TRAPPC11: variants seen among roughly 807,000 people sequenced by gnomAD.
TRAPPC11 encodes foie gras homolog.
A neutral mutation model predicts 151.2 loss-of-function variants in TRAPPC11; 104 were observed. That is an observed-to-expected ratio of 0.69 (90% CI 0.59 to 0.81). The LOEUF is 0.81. Among genes scored for constraint, TRAPPC11 ranks in the 30% least tolerant of loss-of-function variants. The pLI is 0.00. For synonymous variants in TRAPPC11, 456 were observed against 472.3 expected, an observed-to-expected ratio of 0.97 and a Z score of 0.45; for missense variants, 1,230 against 1,349.6, an observed-to-expected ratio of 0.91 and a Z score of 1.39.
At position 183,684,776 on chromosome 4, in the gene TRAPPC11, A is replaced by G; in HGVS notation, c.1502A>G (p.Lys501Arg). ...LLTSVLTTALKCSYLMAQLKD... is the reference protein window; with the variant it reads ...LLTSVLTTALRCSYLMAQLKD... ...ACTTCTGTATTAACTACAGCTCTGA[A>G]GTGCTCCTACCTCATGGCCCAATTA... The change falls in exon 15 of 30, where the codon AAG (lysine) becomes AGG (arginine). Residue 501 changes from lysine (K) to arginine (R), a missense_variant. Physicochemically the swap from Lys to Arg is conservative, Grantham distance 26. Coordinates refer to ENST00000334690, the MANE Select transcript of TRAPPC11 (RefSeq NM_021942.6). 1 of 1,613,962 alleles carries G rather than the reference A, an allele frequency of 6.2e-7. No homozygotes were observed. The highest frequency in any genetic ancestry group is 2.2e-5 in the East Asian group (1 of 44,846).
At chr4:183,685,670 G>A (rs1363271728) in intron 17 of TRAPPC11, among the ~76,000 whole-genome samples, 1 of 152,018 alleles carries the variant, frequency 6.6e-6, no homozygotes, top group Non-Finnish European at 1.5e-5. Context: ...AAAAGGTTGT[G>A]CTTTACTGTC....
chr4:183,681,512 G>A (rs1735688946), intron 10 of TRAPPC11, among the ~76,000 whole-genome samples: 1 of 152,152 alleles, frequency 6.6e-6, no homozygotes, highest in East Asian at 1.9e-4. Flanking sequence ...CGGGTGCGGT[G>A]GCTCACGCCT....
In TRAPPC11 at chr4:183,684,203, C is replaced by T. The variant is rs781595103; in HGVS notation, c.1346C>T (p.Pro449Leu). 2.4e-5 allele frequency: 38 copies of T among 1,613,806 alleles called. No individual in the cohort carries two copies. The highest frequency in any genetic ancestry group is 5.3e-5 in the African/African-American group (4 of 74,890). Residue 449 changes from proline to leucine, a missense_variant, in exon 13 of 30, where the codon CCG (proline) becomes CTG (leucine). Pro to Leu is a moderately conservative substitution (Grantham distance 98). Transcript: ENST00000334690. ...AVAQFKKYKC[P>L]RMKSHLMVQM... ...GCACAGTTCAAGAAGTATAAGTGCCCGCGAATGAAAAGTCACCTAAGTATG... is the reference window on the plus strand; with the variant it reads ...GCACAGTTCAAGAAGTATAAGTGCCTGCGAATGAAAAGTCACCTAAGTATG...
chr4:183,689,103 C>G (rs1439137857), intron 18 of TRAPPC11, among the ~76,000 whole-genome samples: 1 of 152,062 alleles, frequency 6.6e-6, no homozygotes, highest in Admixed American at 6.5e-5. Context: ...AAACTTTATT[C>G]TAGTAGCAAA....
chr4:183,683,912 C>T lies in TRAPPC11; in HGVS notation c.1208-63C>T, dbSNP rs560112437. 2.9e-4 allele frequency: 380 copies of T among 1,292,702 alleles called. 1 individual carries two copies. The highest frequency in any genetic ancestry group is 1.1e-4 in the Non-Finnish European group (97 of 888,756). 80.1% of individuals were successfully genotyped at this position (1,292,702 alleles called of 1,614,324 possible). On this transcript the variant is annotated intron_variant, in intron 11 of 29. Transcript: ENST00000334690. Reference sequence around the variant, plus strand: ...GGTTTCAAGGAGTGTACACATACAACGTTCATATGAAGATTTATATTAAAT... The same window carrying T: ...GGTTTCAAGGAGTGTACACATACAATGTTCATATGAAGATTTATATTAAAT...
chr4:183,663,812 A>G, intron 1 of TRAPPC11, 35 bp from the exon 2 acceptor site: 1 of 1,414,982 alleles, frequency 7.1e-7, no homozygotes, highest in Admixed American at 1.8e-5. Flanking sequence ...AGTTTTTAAA[A>G]ATTAATTATG....
At chr4:183,677,034 G>C (rs1207741775) in intron 7 of TRAPPC11, among the ~76,000 whole-genome samples, 1 of 152,102 alleles carries the variant, frequency 6.6e-6, no homozygotes, top group African/African-American at 2.4e-5. Context: ...CAAAGTGCTG[G>C]GATTACAGGT....
chr4:183,698,720 T>G (rs190308896), intron 25 of TRAPPC11, among the ~76,000 whole-genome samples: 6 of 152,224 alleles, frequency 3.9e-5, no homozygotes, highest in Non-Finnish European at 7.3e-5. Context: ...TCATTTCCAG[T>G]ATCCTGACGT....
chr4:183,678,072 G>A (rs1735500760), intron 8 of TRAPPC11, among the ~76,000 whole-genome samples: 1 of 151,808 alleles, frequency 6.6e-6, no homozygotes, highest in South Asian at 2.1e-4. Context: ...CTGAGTAGCT[G>A]GGAGTACAGG....
chr4:183,674,627 T>C (rs1043606068), intron 5 of TRAPPC11, 86 bp from the exon 6 acceptor site: 3 of 683,296 alleles, frequency 4.4e-6, no homozygotes, highest in African/African-American at 3.7e-5. Context: ...GTCACCATTT[T>C]ACTTTCAGGT....
At chr4:183,682,923 T>G in intron 11 of TRAPPC11, 98 bp downstream of exon 11, 1 of 815,892 alleles carries the variant, frequency 1.2e-6, no homozygotes. Flanking sequence ...AGAAATTATG[T>G]TGAAGTAAAA....
intron 5 of TRAPPC11, among the ~76,000 whole-genome samples, chr4:183,669,699 A>G (rs1735055666): frequency 6.6e-6 from 1 of 152,178 alleles, no homozygotes; most frequent in Non-Finnish European, 1.5e-5. Flanking sequence ...GGTAGAGGCC[A>G]GGGATGTTGC....
At chr4:183,695,834 G>A (rs1736509519) in intron 23 of TRAPPC11, among the ~76,000 whole-genome samples, 1 of 152,174 alleles carries the variant, frequency 6.6e-6, no homozygotes, top group African/African-American at 2.4e-5. Context: ...GTAATGTACT[G>A]TTGAAAATTT....
chr4:183,668,239 G>T, intron 5 of TRAPPC11, 122 bp downstream of exon 5: 1 of 535,430 alleles, frequency 1.9e-6, no homozygotes, highest in Non-Finnish European at 3.3e-6. Context: ...ATGATACAGA[G>T]GCTATGGGGT....
chr4:183,705,226 C>G (rs1457476092), intron 27 of TRAPPC11, among the ~76,000 whole-genome samples, 156 bp downstream of exon 27: 1 of 152,178 alleles, frequency 6.6e-6, no homozygotes, highest in East Asian at 1.9e-4. Flanking sequence ...TACTTCTACA[C>G]ACTCCTCCTA....
chr4:183,690,691 G>A (rs1047181572), intron 18 of TRAPPC11, among the ~76,000 whole-genome samples: 3 of 152,240 alleles, frequency 2.0e-5, no homozygotes, highest in Non-Finnish European at 4.4e-5. Context: ...ATGGGGCTGG[G>A]CTTGGTGGCT....
At chr4:183,709,713 T>C (rs1265829468) in intron 29 of TRAPPC11, among the ~76,000 whole-genome samples, 1 of 152,186 alleles carries the variant, frequency 6.6e-6, no homozygotes, top group South Asian at 2.1e-4. Flanking sequence ...AGGCAGAGCT[T>C]GCAGTGAGTG....
intron 3 of TRAPPC11, 198 bp from the exon 4 acceptor site, chr4:183,666,862 G>A (rs1217235847): frequency 8.1e-6 from 4 of 495,740 alleles, no homozygotes; most frequent in Non-Finnish European, 1.5e-5. Flanking sequence ...AAGATTAGAA[G>A]ATGTGAGATC....
In TRAPPC11 at chr4:183,668,085, G is replaced by T. The variant is rs766450086; in HGVS notation, c.528G>T (p.Pro176=). 1.9e-6 allele frequency: 3 copies of T among 1,611,934 alleles called. No individual in the cohort carries two copies. The highest frequency in any genetic ancestry group is 8.5e-7 in the Non-Finnish European group (1 of 1,178,352). The change falls in exon 5 of 30, where the codon CCG becomes CCT. Residue 176 remains proline, a synonymous_variant. Transcript: ENST00000334690. ...CAGGAAAGTCTTTGTTTGTACTGCC[G>T]CACACTGACCACCTTGTGGGTTATA... ...ELSGKSLFVL[P]HTDHLVGYII... is the part of the protein sequence containing the mutation.
Sources: gnomAD v4.1 joint callset for allele counts (sites outside exome capture counted in the v4.1 genomes callset) on GRCh38, gnomAD v4.1.1 for gene constraint, MANE v1.5 for transcripts, NCBI Gene and HGNC (gene_info 2026-07-23, HGNC 2026-07-21) for gene names.